SLC25A48: variants seen among roughly 807,000 people sequenced by gnomAD.
SLC25A48 encodes CTC-321K16.1.
In SLC25A48, 29 loss-of-function variants were observed where a neutral mutation model predicts 32.2. That is an observed-to-expected ratio of 0.90 (90% CI 0.67 to 1.23). The LOEUF (loss-of-function observed/expected upper bound fraction) is 1.23. Ranked by LOEUF, SLC25A48 falls within the 50% of genes most tolerant of loss-of-function variation. SLC25A48 has a pLI of 0.00. For synonymous variants in SLC25A48, 164 were observed against 172.3 expected, an observed-to-expected ratio of 0.95 and a Z score of 0.38; for missense variants, 399 against 422.7, an observed-to-expected ratio of 0.94 and a Z score of 0.49.
intron 1 of SLC25A48, among the ~76,000 whole-genome samples, chr5:135,626,757 C>A (rs1278801458): frequency 6.6e-6 from 1 of 152,126 alleles, no homozygotes; most frequent in Non-Finnish European, 1.5e-5. Context: ...GCTTTATGGG[C>A]CCATTGGAAT....
At chr5:135,646,385 C>T (rs1450387539) in intron 3 of SLC25A48, among the ~76,000 whole-genome samples, 1 of 152,006 alleles carries the variant, frequency 6.6e-6, no homozygotes. Context: ...TCCCTCCATA[C>T]CTGAGGTTGT....
chr5:135,874,791 T>A, intron 6 of SLC25A48: 1 of 658,178 alleles, frequency 1.5e-6, no homozygotes, highest in Non-Finnish European at 2.7e-6. Context: ...CAGACTTCCA[T>A]GTCTGGTGTC....
intron 3 of SLC25A48, among the ~76,000 whole-genome samples, chr5:135,682,742 C>A (rs1243456981): frequency 6.6e-6 from 1 of 152,068 alleles, no homozygotes; most frequent in Non-Finnish European, 1.5e-5. Context: ...ATTCAAGTCC[C>A]CAGAATGGCC....
chr5:135,659,202 A>G (rs965783550), intron 3 of SLC25A48, among the ~76,000 whole-genome samples: 6 of 152,142 alleles, frequency 3.9e-5, no homozygotes, highest in Non-Finnish European at 7.3e-5. Context: ...AGGCTTTTAG[A>G]AGCAGTCAGG....
chr5:135,659,338 C>T (rs1341599125), intron 3 of SLC25A48, among the ~76,000 whole-genome samples: 1 of 152,200 alleles, frequency 6.6e-6, no homozygotes, highest in African/African-American at 2.4e-5. Context: ...TTTGCTAAAG[C>T]ATAGCAAGAG....
chr5:135,791,066 A>C (rs1450104880), intron 3 of SLC25A48, among the ~76,000 whole-genome samples: 2 of 150,274 alleles, frequency 1.3e-5, no homozygotes, highest in Non-Finnish European at 3.0e-5. Flanking sequence ...TCTTTGTAAT[A>C]TTTTAGGGAG....
chr5:135,768,303 C>T (rs913428307), intron 3 of SLC25A48, among the ~76,000 whole-genome samples: 2 of 148,374 alleles, frequency 1.3e-5, no homozygotes, highest in African/African-American at 2.5e-5. Flanking sequence ...TAATATGCAA[C>T]GAAAGAAGGA....
chr5:135,758,009 A>C (rs1181173158), intron 3 of SLC25A48, among the ~76,000 whole-genome samples: 1 of 149,826 alleles, frequency 6.7e-6, no homozygotes, highest in Non-Finnish European at 1.5e-5. Context: ...TAATGCTTAT[A>C]CTGTCTAGTG....
Position 135,757,537 on chromosome 5 carries a change from TATC to T in SLC25A48, c.-520-54982_-520-54980del, listed in dbSNP as rs564690733. 2.1e-3 allele frequency among the ~76,000 whole-genome samples: 317 copies of T among 149,550 alleles called. 1 individual carries two copies. Among genetic ancestry groups the T allele is most frequent in the African/African-American group, 6.9e-3 (283 of 41,250 alleles). On this transcript the variant is annotated intron_variant, in intron 3 of 10. Transcript: ENST00000646290. The stretch of plus-strand genomic sequence containing the variant: ...CTGTTAACACACTATATTGATAAAA[TATC>T]ATCTATATATTTATAATGTCTAGTG...
Position 135,600,807 on chromosome 5 carries a change from C to T in SLC25A48, c.-849+21210C>T, listed in dbSNP as rs371397599. 4.0e-4 allele frequency among the ~76,000 whole-genome samples: 60 copies of T among 151,876 alleles called. 2 individuals are homozygous for T. In the South Asian group the frequency reaches 7.9e-3, roughly 20 times the overall value. ...AAGCAATTCTCCTGCCTCAGCCTCC[C>T]GAGCAGCTGGGACTACAGGTACGTG... On this transcript the variant is annotated intron_variant, in intron 1 of 10. Coordinates refer to the SLC25A48 transcript ENST00000646290.
rs869088370 is a variant in SLC25A48, at chr5:135,630,588, C to CTTTTTTTTTTT, written c.-709+1235_-709+1245dup. On this transcript the variant is annotated intron_variant, in intron 2 of 10. Coordinates refer to the SLC25A48 transcript ENST00000646290. ...AGGGGAAGATGGTTAGGCTGGGCAC[C>CTTTTTTTTTTT]TTTTTTTTTTTTTTTTTTTTTTTTT... 1.7e-4 allele frequency among the ~76,000 whole-genome samples: 10 copies of CTTTTTTTTTTT among 58,950 alleles called. 2 individuals are homozygous for CTTTTTTTTTTT. Among genetic ancestry groups the CTTTTTTTTTTT allele is most frequent in the South Asian group, 9.9e-4 (1 of 1,012 alleles). The allele number at this position is 58,950 out of a possible 152,430, so 38.7% of individuals were successfully genotyped here. A position where few individuals can be genotyped will look rare whatever the true frequency, so the allele number is the denominator to read the frequency against.
chr5:135,611,989 A>G (rs1390150631), intron 1 of SLC25A48, among the ~76,000 whole-genome samples: 4 of 152,252 alleles, frequency 2.6e-5, no homozygotes, highest in African/African-American at 4.8e-5. Context: ...ATTAGCATTA[A>G]TAAGAGAGTT....
intron 3 of SLC25A48, among the ~76,000 whole-genome samples, chr5:135,739,468 G>A (rs1440834151): frequency 1.3e-5 from 2 of 152,162 alleles, no homozygotes; most frequent in East Asian, 1.9e-4. Flanking sequence ...TTCGTCAGGG[G>A]TGTTTTCTAA....
intron 3 of SLC25A48, among the ~76,000 whole-genome samples, chr5:135,702,602 A>T (rs1161412094): frequency 6.6e-6 from 1 of 152,260 alleles, no homozygotes; most frequent in Admixed American, 6.5e-5. Flanking sequence ...CTTTGTGATG[A>T]CATCTGTAGA....
At chr5:135,615,269 G>A (rs1752159424) in intron 1 of SLC25A48, among the ~76,000 whole-genome samples, 1 of 152,194 alleles carries the variant, frequency 6.6e-6, no homozygotes, top group Non-Finnish European at 1.5e-5. Context: ...GAACCTCCCA[G>A]AGACTTGTTA....
intron 3 of SLC25A48, among the ~76,000 whole-genome samples, chr5:135,737,632 G>A (rs767715685): frequency 6.6e-6 from 1 of 152,126 alleles, no homozygotes; most frequent in Non-Finnish European, 1.5e-5. Flanking sequence ...TGTGACTCAG[G>A]TGCAGCTTCA....
chr5:135,621,692 TA>T (rs530724013), intron 1 of SLC25A48, among the ~76,000 whole-genome samples: 2,650 of 148,016 alleles, frequency 0.018, 90 homozygotes, highest in African/African-American at 0.06. Context: ...CATCCACTAC[TA>T]AAAAAAAAAA....
At chr5:135,685,505 G>A (rs1055436229) in intron 3 of SLC25A48, among the ~76,000 whole-genome samples, 10 of 148,716 alleles carry the variant, frequency 6.7e-5, no homozygotes, top group African/African-American at 1.2e-4. Flanking sequence ...CAATCTTGGC[G>A]CACTGCAACC....
intron 4 of SLC25A48, among the ~76,000 whole-genome samples, chr5:135,815,351 C>T (rs979653495): frequency 6.6e-6 from 1 of 152,156 alleles, no homozygotes. Flanking sequence ...AATTTCATGC[C>T]CCCCACTGAT....
Sources: allele counts gnomAD v4.1 joint callset (sites outside exome capture counted in the v4.1 genomes callset), GRCh38; gene constraint gnomAD v4.1.1; transcripts MANE v1.5; gene names NCBI Gene and HGNC (gene_info 2026-07-23, HGNC 2026-07-21).